VAV3: variants seen among roughly 807,000 people sequenced by gnomAD.
VAV3 encodes guanine nucleotide exchange factor VAV3.
A neutral mutation model predicts 131.2 loss-of-function variants in VAV3; 94 were observed. The observed-to-expected ratio is 0.72, with a 90% CI of 0.61 to 0.85. The LOEUF (loss-of-function observed/expected upper bound fraction) is 0.85. Among genes scored for constraint, VAV3 ranks in the 40% least tolerant of loss-of-function variants. The pLI is 0.00. For missense variants in VAV3, 939 were observed against 1,002.7 expected (o/e 0.94, Z 0.86); for synonymous variants, 349 against 342.0 (o/e 1.02, Z -0.22).
intron 25 of VAV3, among the ~76,000 whole-genome samples, chr1:107,589,395 C>A (rs1417367643): frequency 1.3e-5 from 2 of 152,282 alleles, no homozygotes; most frequent in East Asian, 3.9e-4. Context: ...GACGTGAAGA[C>A]CAGCAGAGAC....
At chr1:107,661,127 G>A (rs1223533875) in intron 19 of VAV3, among the ~76,000 whole-genome samples, 1 of 151,984 alleles carries the variant, frequency 6.6e-6, no homozygotes, top group Non-Finnish European at 1.5e-5. Flanking sequence ...TCCTTATATG[G>A]ATTTTCTAAA....
At chr1:107,856,716 A>G (rs905923562) in intron 2 of VAV3, among the ~76,000 whole-genome samples, 4 of 152,262 alleles carry the variant, frequency 2.6e-5, no homozygotes, top group East Asian at 3.9e-4. Context: ...TTTTACTACA[A>G]AAATCTAATG....
At chr1:107,874,463 A>T (rs1670393182) in intron 2 of VAV3, among the ~76,000 whole-genome samples, 2 of 152,180 alleles carry the variant, frequency 1.3e-5, no homozygotes, top group African/African-American at 4.8e-5. Flanking sequence ...ACAACAGAAC[A>T]TTCTCAACTT....
intron 25 of VAV3, among the ~76,000 whole-genome samples, chr1:107,588,375 A>C (rs1650669612): frequency 6.6e-6 from 1 of 152,234 alleles, no homozygotes; most frequent in Admixed American, 6.5e-5. Flanking sequence ...AGGAAACCAA[A>C]GTATCAGGGA....
chr1:107,698,023 G>A (rs139229542), intron 17 of VAV3, among the ~76,000 whole-genome samples: 1 of 152,276 alleles, frequency 6.6e-6, no homozygotes, highest in East Asian at 1.9e-4. Context: ...GGGCTGGCCT[G>A]CCTGGATTTG....
chr1:107,924,881 G>A (rs758573259), intron 1 of VAV3, among the ~76,000 whole-genome samples: 9 of 152,110 alleles, frequency 5.9e-5, no homozygotes, highest in Non-Finnish European at 1.2e-4. Flanking sequence ...CAGCTAGAGC[G>A]ACACAGTTAA....
chr1:107,685,965 G>A (rs1162785723), intron 18 of VAV3: 1 of 125,308 alleles, frequency 8.0e-6, no homozygotes, highest in Admixed American at 1.1e-4. Flanking sequence ...ACACCACCAT[G>A]AGAATCAGTC....
intron 1 of VAV3, 97 bp from the exon 2 acceptor site, chr1:107,875,114 G>T: frequency 9.6e-7 from 1 of 1,043,776 alleles, no homozygotes; most frequent in Non-Finnish European, 1.5e-6. Context: ...TGACAAGAAA[G>T]CATCAAGCAG....
At chr1:107,795,496 T>C (rs921415292) in intron 2 of VAV3, among the ~76,000 whole-genome samples, 16 of 152,198 alleles carry the variant, frequency 1.1e-4, no homozygotes, top group African/African-American at 3.9e-4. Context: ...CTGTTTTCTT[T>C]TTATTATCTT....
chr1:107,592,461 T>G (rs748194931), intron 25 of VAV3, among the ~76,000 whole-genome samples: 13 of 152,142 alleles, frequency 8.5e-5, no homozygotes, highest in Non-Finnish European at 1.6e-4. Context: ...TACTTGGATA[T>G]TATATAAATA....
At chr1:107,662,074 T>C (rs898293826) in intron 19 of VAV3, among the ~76,000 whole-genome samples, 1 of 152,196 alleles carries the variant, frequency 6.6e-6, no homozygotes, top group Non-Finnish European at 1.5e-5. Context: ...ATTGTTTACA[T>C]GGCATAGACC....
chr1:107,805,878 C>A (rs1215280344), intron 2 of VAV3, among the ~76,000 whole-genome samples: 4 of 152,104 alleles, frequency 2.6e-5, no homozygotes, highest in Non-Finnish European at 5.9e-5. Context: ...GAACCTTAAA[C>A]CCAGGTTTTC....
Position 107,708,931 on chromosome 1 carries a change from C to T in VAV3, c.1503-3870G>A, listed in dbSNP as rs554174391. On this transcript the variant is annotated intron_variant, in intron 15 of 26. Transcript: ENST00000370056. Reference sequence around the variant, plus strand: ...GGTTCCATACAAACACATATACACACCCGCACACCCACACACACATACCCC... The same window carrying T: ...GGTTCCATACAAACACATATACACATCCGCACACCCACACACACATACCCC... 3.0e-4 allele frequency among the ~76,000 whole-genome samples: 46 copies of T among 151,864 alleles called. 1 individual carries two copies. In the South Asian group the frequency reaches 9.2e-3, roughly 30 times the overall value.
intron 1 of VAV3, among the ~76,000 whole-genome samples, chr1:107,893,568 C>T (rs1291968152): frequency 6.6e-6 from 1 of 151,984 alleles, no homozygotes; most frequent in African/African-American, 2.4e-5. Context: ...ACATGGATGG[C>T]AGCAGGCAAA....
At chr1:107,642,543 G>A in intron 20 of VAV3, 76 bp downstream of exon 20, 1 of 1,548,350 alleles carries the variant, frequency 6.5e-7, no homozygotes. Context: ...GACTCGCCCT[G>A]AATTCCTTCT....
chr1:107,757,129 GTTTGTGTATATATA>G, intron 11 of VAV3, 118 bp downstream of exon 11: 3 of 576,034 alleles, frequency 5.2e-6, no homozygotes, highest in Non-Finnish European at 8.6e-6. Flanking sequence ...ATATATATAT[GTTTGTGTATATATA>G]TGTGTGTATA....
intron 25 of VAV3, among the ~76,000 whole-genome samples, chr1:107,592,866 C>T (rs1459298534): frequency 6.6e-6 from 1 of 152,088 alleles, no homozygotes; most frequent in African/African-American, 2.4e-5. Context: ...ACAAGCCCTA[C>T]AGGTAAACCT....
At chr1:107,849,790 G>A (rs950260484) in intron 2 of VAV3, among the ~76,000 whole-genome samples, 2 of 152,084 alleles carry the variant, frequency 1.3e-5, no homozygotes, top group African/African-American at 4.8e-5. Context: ...GCAACCTACA[G>A]AATAGGAGAA....
intron 9 of VAV3, among the ~76,000 whole-genome samples, chr1:107,764,568 G>T (rs1002304744): frequency 1.3e-5 from 2 of 152,110 alleles, no homozygotes; most frequent in Non-Finnish European, 2.9e-5. Context: ...CACCCTGGCT[G>T]GAGTGCAATG....
Sources: allele counts gnomAD v4.1 joint callset (sites outside exome capture counted in the v4.1 genomes callset), GRCh38; gene constraint gnomAD v4.1.1; transcripts MANE v1.5; gene names NCBI Gene and HGNC (gene_info 2026-07-23, HGNC 2026-07-21).